The following CEP290 variants were observed in gnomAD, a reference collection of about 807,000 sequenced individuals.
CEP290 encodes the protein centrosomal protein of 290 kDa.
Under a neutral mutation model 344.9 loss-of-function variants are expected in CEP290, and 317 were observed. The ratio of observed to expected loss-of-function variants is 0.92; its 90% CI spans 0.84 to 1.01. CEP290 has a LOEUF of 1.01. Ranked by LOEUF, CEP290 falls within the 50% of genes least tolerant of loss-of-function variation. CEP290 has a pLI of 0.00. For missense variants in CEP290, 2,754 were observed against 2,761.4 expected, an observed-to-expected ratio of 1.00 and a Z score of 0.06; for synonymous variants, 932 against 895.8, an observed-to-expected ratio of 1.04 and a Z score of -0.72.
chr12:88,131,173 T>A lies in CEP290; in HGVS notation c.487A>T (p.Arg163Ter). The change falls in exon 7 of 54, where the codon AGA (arginine) becomes TGA (stop). Residue 163 changes from arginine to a stop codon, truncating the protein, a stop_gained. Transcript: ENST00000552810. LOFTEE classifies it high-confidence loss of function. ...EEAENENSKL[R>*]RENKRLKKKN... ...CTACTAAAATTTTTTACCTCTCTTC[T>A]TAATTTGCTGTTTTCATTTTCTGCC... The A allele has an allele frequency of 6.6e-7, 1 of 1,521,948 alleles. No homozygotes were observed. Among genetic ancestry groups the A allele is most frequent in the Non-Finnish European group, 8.8e-7 (1 of 1,140,228 alleles). 94.3% of individuals were successfully genotyped at this position (1,521,948 alleles called of 1,614,324 possible).
At chr12:88,115,876 T>C in intron 18 of CEP290, 1 of 983,470 alleles carries the variant, frequency 1.0e-6, no homozygotes, top group Middle Eastern at 5.2e-4. Flanking sequence ...TCTGGAAGAT[T>C]AACCTTAAGC....
rs952777472 is a variant in CEP290 at position 88,054,423 on chromosome 12, C to T, written c.6961-10G>A. ...GTTTAAGAATCTTAATCTTTGAGGA[C>T]AATGAAAAGTTAGAAGATAAGGTTT... On this transcript the variant is annotated splice_polypyrimidine_tract_variant and intron_variant, in intron 50 of 53. Transcript: ENST00000552810. 1.9e-6 allele frequency: 3 copies of T among 1,596,608 alleles called. No individual in the cohort carries two copies. Among genetic ancestry groups the T allele is most frequent in the South Asian group, 2.2e-5 (2 of 89,514 alleles).
At chr12:88,113,510 A>G (rs1324425538) in intron 20 of CEP290, among the ~76,000 whole-genome samples, 1 of 152,072 alleles carries the variant, frequency 6.6e-6, no homozygotes, top group Non-Finnish European at 1.5e-5. Context: ...AAAGTATCCA[A>G]TTACTGATTA....
At chr12:88,094,615 A>G (rs2037295623) in intron 27 of CEP290, among the ~76,000 whole-genome samples, 1 of 152,108 alleles carries the variant, frequency 6.6e-6, no homozygotes, top group South Asian at 2.1e-4. Context: ...AAGAGAACTA[A>G]AAGCCTCAAT....
chr12:88,130,231 G>A (rs753619845), intron 9 of CEP290, 37 bp downstream of exon 9: 1 of 1,546,050 alleles, frequency 6.5e-7, no homozygotes, highest in Non-Finnish European at 8.7e-7. Context: ...AAAGTTTTTA[G>A]GAACCATTGC....
At chr12:88,084,986 ATACT>A in intron 34 of CEP290, 134 bp from the exon 35 acceptor site, 1 of 652,914 alleles carries the variant, frequency 1.5e-6, no homozygotes, top group Non-Finnish European at 2.5e-6. Context: ...TAGCCATTTG[ATACT>A]TAATAAGGTT....
chr12:88,141,022 A>G lies in CEP290; in HGVS notation c.114T>C (p.Asn38=). The G allele has an allele frequency of 1.3e-6, 2 of 1,582,990 alleles. No individual in the cohort carries two copies. The highest frequency in any genetic ancestry group is 8.6e-7 in the Non-Finnish European group (1 of 1,167,214). ...LLISLSKVEV[N]ELKSEKQENV... ...TTTCTTGCTTTTCACTTTTTAGCTC[A>G]TTTACTTCCACCTAAGTAAACAGAA... Residue 38 remains asparagine, a synonymous_variant, in exon 3 of 54, where the codon AAT becomes AAC. Transcript: ENST00000552810.
Position 88,059,035 on chromosome 12 carries a change from TA to T in CEP290, c.6646-16del, listed in dbSNP as rs1200834763. On this transcript the variant is annotated splice_polypyrimidine_tract_variant and intron_variant, in intron 48 of 53. Transcript: ENST00000552810. ...GCATCAGTTTCCTATCATTAAATGC[TA>T]ATTAGTATTTTATGAGAAAACATAA... The T allele has an allele frequency of 1.3e-6, 2 of 1,585,072 alleles. No individual in the cohort carries two copies. Among genetic ancestry groups the T allele is most frequent in the African/African-American group, 2.7e-5 (2 of 73,752 alleles).
Position 88,129,680 on chromosome 12 carries a change from A to G in CEP290, c.852+14T>C, listed in dbSNP as rs571313482. ...AAGTCTGAATAAATAAGTTATTCTAAAAGTAATTCTTACTTGAAGTTGATA... is the reference window on the plus strand; with the variant it reads ...AAGTCTGAATAAATAAGTTATTCTAGAAGTAATTCTTACTTGAAGTTGATA... On this transcript the variant is annotated intron_variant, in intron 10 of 53. Transcript: ENST00000552810. 21 of 1,322,600 alleles carry G rather than the reference A, an allele frequency of 1.6e-5. No individual in the cohort carries two copies. The South Asian group carries it at 2.9e-4, about 18-fold the overall frequency. The allele number at this position is 1,322,600 out of a possible 1,614,324, so 81.9% of individuals were successfully genotyped here.
chr12:88,080,369 A>C lies in CEP290; in HGVS notation c.5039T>G (p.Val1680Gly). ...CTCTACTTCCGCTTTTACTTTTTTCACTTCATCTTCATGGTTTTCTTGAAG... is the reference window on the plus strand; with the variant it reads ...CTCTACTTCCGCTTTTACTTTTTTCCCTTCATCTTCATGGTTTTCTTGAAG... The part of the protein sequence containing the change: ...LQLQENHEDE[V>G]KKVKAEVEDL... Residue 1680 changes from valine to glycine, a missense_variant, in exon 38 of 54, where the codon GTG (valine) becomes GGG (glycine). By Grantham distance (109) the Val-to-Gly change is moderately radical. Transcript: ENST00000552810. 6.2e-7 allele frequency: 1 copy of C among 1,612,630 alleles called. No homozygotes were observed. The highest frequency in any genetic ancestry group is 8.5e-7 in the Non-Finnish European group (1 of 1,179,256).
Position 88,068,582 on chromosome 12 carries a change from G to GA in CEP290, c.6074dup (p.Gln2026ProfsTer18). 6.3e-7 allele frequency: 1 copy of GA among 1,589,690 alleles called. No individual in the cohort carries two copies. On this transcript the variant is annotated frameshift_variant, in exon 44 of 54. Transcript: ENST00000552810. LOFTEE classifies it high-confidence loss of function. ...TTTCTAAAGCATGAAGTTTTTCTTG[G>GA]AGGTATCTATTTTGTAAATGTAAAT... is the stretch of plus-strand genomic sequence containing the variant.
chr12:88,073,952 G>A (rs1190483972), intron 41 of CEP290, among the ~76,000 whole-genome samples: 3 of 152,118 alleles, frequency 2.0e-5, no homozygotes, highest in East Asian at 3.9e-4. Context: ...CAGTCTGGGT[G>A]TGGTGGCTCA....
intron 18 of CEP290, 161 bp from the exon 19 acceptor site, chr12:88,115,343 T>G (rs1430653745): frequency 1.9e-5 from 13 of 683,674 alleles, no homozygotes; most frequent in Non-Finnish European, 2.6e-5. Context: ...AACTAAAATC[T>G]AAACAGTAAA....
In CEP290 at chr12:88,086,082, C is replaced by T. The variant is rs576877716; in HGVS notation, c.4394G>A (p.Arg1465Gln). 8.1e-6 allele frequency: 13 copies of T among 1,612,672 alleles called. No homozygotes were observed. Among genetic ancestry groups the T allele is most frequent in the South Asian group, 5.5e-5 (5 of 90,684 alleles). ...IALRKIKENIRIILETRATCK... is the reference protein window; with the variant it reads ...IALRKIKENIQIILETRATCK... ...AGTTGCCCGTGTTTCTAGAATTATT[C>T]GAATGTTCTCCTTAATTTTCCTTAG... The change falls in exon 34 of 54, where the codon CGA becomes CAA. Residue 1465 changes from arginine (R) to glutamine (Q), a missense_variant. Arg to Gln is a conservative substitution (Grantham distance 43, BLOSUM62 1). Transcript: ENST00000552810.
At chr12:88,139,102 AAATT>A (rs2040494147) in intron 5 of CEP290, 39 bp downstream of exon 5, 1 of 1,002,754 alleles carries the variant, frequency 1.0e-6, no homozygotes, top group African/African-American at 1.6e-5. Flanking sequence ...ATTCAAAATA[AAATT>A]AATGACAATT....
Position 88,118,694 on chromosome 12 carries a change from T to C in CEP290, c.1572A>G (p.Lys524=). 3 of 1,613,358 alleles carry C rather than the reference T, an allele frequency of 1.9e-6. No individual in the cohort carries two copies. In the South Asian group the frequency reaches 3.3e-5, roughly 18 times the overall value. Residue 524 remains lysine, a synonymous_variant, in exon 16 of 54, where the codon AAA becomes AAG. Coordinates refer to ENST00000552810, the MANE Select transcript of CEP290 (RefSeq NM_025114.4). ...MIDLTEFRNS[K]HLKQQQYRAE... Reference sequence around the variant, plus strand: ...CTCTGTACTGCTGCTGTTTTAAGTGTTTGCTATTTCTAAATTCAGTTAAAT... The same window carrying C: ...CTCTGTACTGCTGCTGTTTTAAGTGCTTGCTATTTCTAAATTCAGTTAAAT...
intron 26 of CEP290, among the ~76,000 whole-genome samples, chr12:88,098,462 A>G (rs867508092): frequency 2.0e-5 from 3 of 151,976 alleles, no homozygotes; most frequent in East Asian, 1.9e-4. Flanking sequence ...AACACAAAAA[A>G]TTAGCTGAGC....
chr12:88,092,057 C>T (rs1411061919), intron 29 of CEP290, among the ~76,000 whole-genome samples: 2 of 152,174 alleles, frequency 1.3e-5, no homozygotes, highest in East Asian at 3.9e-4. Context: ...GGGCTACAGG[C>T]ACATGTCACC....
intron 26 of CEP290, among the ~76,000 whole-genome samples, chr12:88,098,893 A>G (rs926575117): frequency 2.0e-5 from 3 of 152,194 alleles, no homozygotes; most frequent in Admixed American, 1.3e-4. Flanking sequence ...GTAAGCAAAA[A>G]TAAGAGTCAA....
Sources: gnomAD v4.1 joint callset for allele counts (sites outside exome capture counted in the v4.1 genomes callset) on GRCh38, gnomAD v4.1.1 for gene constraint, MANE v1.5 for transcripts, NCBI Gene and HGNC (gene_info 2026-07-23, HGNC 2026-07-21) for gene names.